ZNG1B: variants seen among roughly 807,000 people sequenced by gnomAD.
ZNG1B encodes Zn regulated GTPase metalloprotein activator 1B, also known as zinc-regulated GTPase metalloprotein activator 1B.
the ZNG1B span, chr2:113,438,905 A>C: frequency 6.8e-7 from 1 of 1,468,766 alleles, no homozygotes; most frequent in Non-Finnish European, 9.2e-7. Flanking sequence ...TTTTATGTAA[A>C]AATAAGAAAT....
chr2:113,488,498 A>G, the ZNG1B span, among the ~76,000 whole-genome samples: 8 of 152,118 alleles, frequency 5.3e-5, no homozygotes, highest in Non-Finnish European at 1.2e-4. Context: ...CTCACCAGCA[A>G]TGGATCCAAA....
At chr2:113,461,172 A>G in the ZNG1B span, among the ~76,000 whole-genome samples, 1 of 150,656 alleles carries the variant, frequency 6.6e-6, no homozygotes, top group Non-Finnish European at 1.5e-5. Flanking sequence ...TCAGCCTCCC[A>G]AGTAGCTGGG....
the ZNG1B span, among the ~76,000 whole-genome samples, chr2:113,452,950 A>C: frequency 6.6e-6 from 1 of 152,092 alleles, no homozygotes; most frequent in African/African-American, 2.4e-5. Flanking sequence ...AATGGGTATA[A>C]ATAGTAAAAG....
the ZNG1B span, among the ~76,000 whole-genome samples, chr2:113,478,421 A>G: frequency 2.6e-5 from 4 of 151,846 alleles, no homozygotes; most frequent in Admixed American, 1.3e-4. Flanking sequence ...GACCACAGGC[A>G]TGTGTCACCA....
chr2:113,486,456 A>T, the ZNG1B span, among the ~76,000 whole-genome samples: 1 of 148,386 alleles, frequency 6.7e-6, no homozygotes, highest in African/African-American at 2.5e-5. Context: ...AGCAAAAATC[A>T]TTATAAAAAT....
the ZNG1B span, among the ~76,000 whole-genome samples, chr2:113,455,900 TAG>T: frequency 7.0e-6 from 1 of 143,562 alleles, no homozygotes; most frequent in African/African-American, 2.6e-5. Context: ...GTATTTTTAG[TAG>T]AGACAGGATT....
the ZNG1B span, chr2:113,465,744 A>ATTTTT: frequency 2.7e-6 from 2 of 728,232 alleles, no homozygotes; most frequent in African/African-American, 3.6e-5. Context: ...TATTAAGCTC[A>ATTTTT]TTTTTTTTTT....
At chr2:113,472,464 T>G in the ZNG1B span, among the ~76,000 whole-genome samples, 3 of 151,912 alleles carry the variant, frequency 2.0e-5, no homozygotes, top group Non-Finnish European at 4.4e-5. Context: ...TAGTTTCTTT[T>G]GCTGTGCAGA....
the ZNG1B span, among the ~76,000 whole-genome samples, chr2:113,485,037 TCC>T: frequency 8.1e-5 from 12 of 147,328 alleles, no homozygotes; most frequent in African/African-American, 3.1e-4. Flanking sequence ...TCCTTCTAAC[TCC>T]CACTCAGGTC....
the ZNG1B span, chr2:113,468,470 T>C: frequency 6.9e-6 from 1 of 145,844 alleles, no homozygotes; most frequent in East Asian, 2.1e-4. Flanking sequence ...TGAAAGCCTC[T>C]CTTTTAAGAA....
chr2:113,454,384 TC>T, the ZNG1B span, among the ~76,000 whole-genome samples: 2 of 151,884 alleles, frequency 1.3e-5, no homozygotes, highest in African/African-American at 4.8e-5. Context: ...AAATAACCTG[TC>T]TTATGTACTT....
the ZNG1B span, chr2:113,443,880 CTG>C: frequency 6.8e-7 from 1 of 1,462,208 alleles, no homozygotes; most frequent in African/African-American, 1.5e-5. Context: ...AATGTGTTTA[CTG>C]TGTACATGGT....
the ZNG1B span, among the ~76,000 whole-genome samples, chr2:113,439,300 C>T: frequency 1.1e-4 from 17 of 151,988 alleles, no homozygotes; most frequent in African/African-American, 3.9e-4. Flanking sequence ...GCTTCTCTGG[C>T]TTCTTTTTAA....
the ZNG1B span, among the ~76,000 whole-genome samples, chr2:113,488,632 G>A: frequency 6.6e-6 from 1 of 150,748 alleles, no homozygotes; most frequent in African/African-American, 2.4e-5. Flanking sequence ...AAGAAGTAAA[G>A]GGAGAAATAT....
chr2:113,453,808 C>G, the ZNG1B span, among the ~76,000 whole-genome samples: 1 of 146,100 alleles, frequency 6.8e-6, no homozygotes. Flanking sequence ...GATTTATGCC[C>G]TTAATATAAT....
At chr2:113,474,845 T>C in the ZNG1B span, among the ~76,000 whole-genome samples, 5 of 151,962 alleles carry the variant, frequency 3.3e-5, no homozygotes, top group Admixed American at 3.3e-4. Context: ...TGTACTGTGG[T>C]CTGAGAGATA....
At chr2:113,448,946 T>G in the ZNG1B span, among the ~76,000 whole-genome samples, 17 of 152,016 alleles carry the variant, frequency 1.1e-4, no homozygotes, top group African/African-American at 3.9e-4. Flanking sequence ...TGTTGCTTAG[T>G]GTAGCTACTT....
the ZNG1B span, among the ~76,000 whole-genome samples, chr2:113,440,262 C>A: frequency 6.6e-6 from 1 of 152,046 alleles, no homozygotes; most frequent in South Asian, 2.1e-4. Context: ...AAATCTGTAA[C>A]GTATTAGAAA....
the ZNG1B span, chr2:113,462,486 G>A: frequency 5.0e-6 from 8 of 1,595,606 alleles, no homozygotes; most frequent in East Asian, 2.2e-5. Flanking sequence ...AATTAAGAGC[G>A]ACAATTAGGT....
Sources: gnomAD v4.1 joint callset for allele counts (sites outside exome capture counted in the v4.1 genomes callset) on GRCh38, gnomAD v4.1.1 for gene constraint, MANE v1.5 for transcripts, NCBI Gene and HGNC (gene_info 2026-07-23, HGNC 2026-07-21) for gene names.